BICC1: variants seen among roughly 807,000 people sequenced by gnomAD.
The protein encoded by BICC1 is protein bicaudal C homolog 1.
Under a neutral mutation model 111.0 loss-of-function variants are expected in BICC1, and 43 were observed. The observed-to-expected ratio is 0.39, with a 90% CI of 0.30 to 0.50. BICC1 has a LOEUF of 0.50. Ranked by LOEUF, BICC1 falls within the 20% of genes least tolerant of loss-of-function variation. BICC1 has a pLI of 0.88. For missense variants in BICC1, 1,091 were observed against 1,203.2 expected (o/e 0.91, Z 1.38); for synonymous variants, 467 against 434.4 (o/e 1.07, Z -0.93).
intron 11 of BICC1, among the ~76,000 whole-genome samples, chr10:58,798,820 G>A (rs2087232429): frequency 6.6e-6 from 1 of 152,074 alleles, no homozygotes; most frequent in African/African-American, 2.4e-5. Context: ...GTAACTTGCT[G>A]GTAGTCATTT....
At chr10:58,770,358 T>C (rs974610914) in intron 3 of BICC1, among the ~76,000 whole-genome samples, 1 of 152,146 alleles carries the variant, frequency 6.6e-6, no homozygotes, top group Non-Finnish European at 1.5e-5. Flanking sequence ...TTTCATCAAA[T>C]GTTACTTTCT....
At chr10:58,715,515 G>T in intron 3 of BICC1, 1 of 1,242,988 alleles carries the variant, frequency 8.0e-7, no homozygotes, top group South Asian at 1.2e-5. Flanking sequence ...CTCTGGCCTG[G>T]TTTCCCTCGG....
At chr10:58,699,810 C>G (rs1241533623) in intron 2 of BICC1, among the ~76,000 whole-genome samples, 1 of 151,990 alleles carries the variant, frequency 6.6e-6, no homozygotes, top group African/African-American at 2.4e-5. Flanking sequence ...TCCTCCTGCT[C>G]CAGCCTCCTG....
intron 8 of BICC1, 41 bp downstream of exon 8, chr10:58,789,974 CTT>C (rs777663308): frequency 1.2e-6 from 2 of 1,602,732 alleles, no homozygotes; most frequent in African/African-American, 2.7e-5. Flanking sequence ...TTTTAAACCT[CTT>C]TGGATTCAGT....
intron 1 of BICC1, among the ~76,000 whole-genome samples, chr10:58,535,965 T>TAAA (rs200404524): frequency 7.4e-6 from 1 of 134,382 alleles, no homozygotes; most frequent in African/African-American, 2.7e-5. Flanking sequence ...GCAACAATAG[T>TAAA]AAAAAAAAAA....
intron 1 of BICC1, among the ~76,000 whole-genome samples, chr10:58,524,583 T>C (rs1215927697): frequency 7.9e-5 from 12 of 152,298 alleles, no homozygotes; most frequent in South Asian, 4.1e-4. Flanking sequence ...AAGACTTAAA[T>C]ATTAGACCTA....
chr10:58,687,967 A>G (rs961941882), intron 2 of BICC1, among the ~76,000 whole-genome samples: 2 of 151,856 alleles, frequency 1.3e-5, no homozygotes, highest in Admixed American at 6.6e-5. Flanking sequence ...AGTTGTTCCT[A>G]TTTGGCCATC....
intron 19 of BICC1, 121 bp downstream of exon 19, chr10:58,817,843 A>G: frequency 9.9e-7 from 1 of 1,015,096 alleles, no homozygotes; most frequent in South Asian, 1.9e-5. Flanking sequence ...CAAGTCTCAT[A>G]GCTTGTCCTT....
intron 1 of BICC1, among the ~76,000 whole-genome samples, chr10:58,614,984 T>C (rs1359124923): frequency 6.6e-6 from 1 of 152,162 alleles, no homozygotes; most frequent in Admixed American, 6.5e-5. Flanking sequence ...TATCTGCTAC[T>C]TTCATTGCCA....
intron 20 of BICC1, among the ~76,000 whole-genome samples, chr10:58,821,668 G>T (rs145239668): frequency 6.6e-6 from 1 of 152,038 alleles, no homozygotes; most frequent in Non-Finnish European, 1.5e-5. Context: ...ATTTCTTCTC[G>T]GATATACTGT....
intron 1 of BICC1, among the ~76,000 whole-genome samples, chr10:58,609,081 A>C (rs1845328458): frequency 6.6e-6 from 1 of 152,236 alleles, no homozygotes; most frequent in Non-Finnish European, 1.5e-5. Flanking sequence ...GTTATTACAA[A>C]TACAAAAGAA....
intron 2 of BICC1, among the ~76,000 whole-genome samples, chr10:58,647,139 A>G (rs780898689): frequency 2.0e-5 from 3 of 152,184 alleles, no homozygotes; most frequent in Admixed American, 6.5e-5. Context: ...ACTAGTCTGT[A>G]TTCTGTTTTT....
intron 3 of BICC1, among the ~76,000 whole-genome samples, chr10:58,717,921 A>T (rs1011978322): frequency 1.3e-5 from 2 of 152,172 alleles, no homozygotes; most frequent in African/African-American, 4.8e-5. Flanking sequence ...GTCCTAGGCC[A>T]ATCTAAATGG....
chr10:58,806,984 G>T lies in BICC1; in HGVS notation c.2222-20G>T, dbSNP rs1322969444. ...AATGCATTAAACATACCAAGCATTG[G>T]TTTTATTTTGTTTCCAAAGCTATGT... is the stretch of plus-strand genomic sequence containing the variant. On this transcript the variant is annotated intron_variant, in intron 16 of 20. Transcript: ENST00000373886. The T allele has an allele frequency of 1.2e-6, 2 of 1,603,644 alleles. No homozygotes were observed. Among genetic ancestry groups the T allele is most frequent in the African/African-American group, 1.3e-5 (1 of 74,542 alleles).
At chr10:58,643,226 C>A (rs1237247600) in intron 2 of BICC1, among the ~76,000 whole-genome samples, 1 of 152,142 alleles carries the variant, frequency 6.6e-6, no homozygotes, top group Non-Finnish European at 1.5e-5. Context: ...ACTCTCAGAT[C>A]GGGACAGAAG....
Position 58,569,430 on chromosome 10 carries a change from T to C in BICC1, c.191-51425T>C, listed in dbSNP as rs1051687341. ...AGTATACTTTAAGTTCTGAGATACATGTGCAGAATGTGCAGGTTTGTTACT... is the reference window on the plus strand; with the variant it reads ...AGTATACTTTAAGTTCTGAGATACACGTGCAGAATGTGCAGGTTTGTTACT... On this transcript the variant is annotated intron_variant, in intron 1 of 20. Transcript: ENST00000373886. Among the ~76,000 whole-genome samples the C allele has an allele frequency of 3.3e-5, 5 of 152,324 alleles. No homozygotes were observed. In the East Asian group the frequency reaches 9.7e-4, roughly 29 times the overall value.
chr10:58,660,001 T>C (rs1838788613), intron 2 of BICC1, among the ~76,000 whole-genome samples: 1 of 152,208 alleles, frequency 6.6e-6, no homozygotes. Context: ...AAAAGGACTC[T>C]GAGAGTTCTC....
intron 1 of BICC1, among the ~76,000 whole-genome samples, chr10:58,602,326 T>C (rs1845066998): frequency 6.6e-6 from 1 of 152,204 alleles, no homozygotes. Flanking sequence ...ATCATAAATG[T>C]ACGCACATAT....
intron 3 of BICC1, among the ~76,000 whole-genome samples, chr10:58,725,269 A>C (rs1358698749): frequency 6.6e-6 from 1 of 152,204 alleles, no homozygotes; most frequent in East Asian, 1.9e-4. Flanking sequence ...GTAAGGATGC[A>C]GTGAGGTTTT....
Sources: allele counts gnomAD v4.1 joint callset (sites outside exome capture counted in the v4.1 genomes callset), GRCh38; gene constraint gnomAD v4.1.1; transcripts MANE v1.5; gene names NCBI Gene and HGNC (gene_info 2026-07-23, HGNC 2026-07-21).